The following RIMBP2 variants were observed in gnomAD, a reference collection of about 807,000 sequenced individuals.
RIMBP2 encodes the protein RIMS binding protein 2.
A neutral mutation model predicts 118.6 loss-of-function variants in RIMBP2; 48 were observed. That is an observed-to-expected ratio of 0.40 (90% CI 0.32 to 0.51). RIMBP2 has a LOEUF of 0.51. RIMBP2 is among the 20% of genes least tolerant of loss of function. RIMBP2 has a pLI of 0.41. For missense variants in RIMBP2, 1,551 were observed against 1,768.3 expected (o/e 0.88, Z 2.20); for synonymous variants, 762 against 742.9 (o/e 1.03, Z -0.42).
At chr12:130,631,125 G>C (rs1445110464) in intron 1 of RIMBP2, among the ~76,000 whole-genome samples, 1 of 152,150 alleles carries the variant, frequency 6.6e-6, no homozygotes, top group South Asian at 2.1e-4. Flanking sequence ...AGAGAAAAGA[G>C]AGACTCAAGA....
In RIMBP2 at chr12:130,555,290, A is replaced by C. The variant is rs553565393; in HGVS notation, c.-216-37373T>G. 3.7e-4 allele frequency among the ~76,000 whole-genome samples: 57 copies of C among 152,280 alleles called. 1 individual carries two copies. Among genetic ancestry groups the C allele is most frequent in the African/African-American group, 1.3e-3 (52 of 41,560 alleles). ...AAGCCCTCGCAGGAAAAAATGGTAA[A>C]TTTAAAAAATAATAATAATAAAAAG... On this transcript the variant is annotated intron_variant, in intron 2 of 22. Coordinates refer to ENST00000690449, the MANE Select transcript of RIMBP2 (RefSeq NM_001393629.1).
rs1210496204 is a variant in RIMBP2 at position 130,419,336 on chromosome 12, C to T, written c.3238+3117G>A. Among the ~76,000 whole-genome samples, 1 of 152,138 alleles carries T rather than the reference C, an allele frequency of 6.6e-6. No individual in the cohort carries two copies. Among genetic ancestry groups the T allele is most frequent in the African/African-American group, 2.4e-5 (1 of 41,418 alleles). On this transcript the variant is annotated intron_variant, in intron 17 of 22. Coordinates refer to ENST00000690449, the MANE Select transcript of RIMBP2 (RefSeq NM_001393629.1). This position sits in a 1 kb window ranked among gnomAD's most constrained non-coding sequence, Gnocchi z 4.3. ...TTGTTAGGAGGAAGGGTGTGCATAT[C>T]GTGTGGGAGATCAGGGCTCATGCCT...
intron 16 of RIMBP2, among the ~76,000 whole-genome samples, chr12:130,423,766 C>G (rs528159775): frequency 2.7e-5 from 4 of 148,562 alleles, no homozygotes; most frequent in African/African-American, 9.9e-5. Context: ...AAAAAACCCT[C>G]GACAATACTA....
At chr12:130,661,532 A>C (rs1447532282) in intron 1 of RIMBP2, among the ~76,000 whole-genome samples, 1 of 152,138 alleles carries the variant, frequency 6.6e-6, no homozygotes, top group Non-Finnish European at 1.5e-5. Context: ...GCACAAACTA[A>C]AAAGAGGTGC....
chr12:130,437,285 C>T lies in RIMBP2; in HGVS notation c.1663G>A (p.Glu555Lys). The T allele has an allele frequency of 6.3e-7, 1 of 1,576,206 alleles. No homozygotes were observed. The highest frequency in any genetic ancestry group is 8.6e-7 in the Non-Finnish European group (1 of 1,168,844). Residue 555 changes from glutamate (E) to lysine (K), a missense_variant, in exon 13 of 23, where the codon GAA (glutamate) becomes AAA (lysine). Physicochemically the swap from Glu to Lys is moderately conservative, Grantham distance 56. This residue lies in a region of RIMBP2 where 1,038 missense variants were observed against 1,125.1 expected (regional missense o/e 0.92). Coordinates refer to ENST00000690449, the MANE Select transcript of RIMBP2 (RefSeq NM_001393629.1). ...GVYAKGQRVA[E>K]VIFPTADSTA... is the part of the protein sequence containing the mutation. ...CTGTCTGCCGTGGGGAAGATGACTT[C>T]AGCCACCTGTGGACAAGCAGAGCTG...
intron 21 of RIMBP2, among the ~76,000 whole-genome samples, chr12:130,404,994 G>A (rs2075025311): frequency 1.3e-5 from 2 of 151,982 alleles, no homozygotes; most frequent in Non-Finnish European, 2.9e-5. Context: ...TAGTAAATGT[G>A]TTGAGACATT....
At chr12:130,605,917 A>C (rs1009380753) in intron 2 of RIMBP2, among the ~76,000 whole-genome samples, 4 of 152,156 alleles carry the variant, frequency 2.6e-5, no homozygotes, top group African/African-American at 4.8e-5. Context: ...TTCAGAAAAA[A>C]ATTAGCCAGG....
chr12:130,401,186 G>T (rs960202085), intron 21 of RIMBP2, among the ~76,000 whole-genome samples: 3 of 152,116 alleles, frequency 2.0e-5, no homozygotes, highest in African/African-American at 7.2e-5. Flanking sequence ...CGTGATCTCG[G>T]CTCACTGCCA....
chr12:130,583,802 C>T lies in RIMBP2; in HGVS notation c.-217+44520G>A, dbSNP rs944743777. ...ACCGCCATCACCTCATCACCACCAC[C>T]GCCATCACCTCATCACCACCACCCC... On this transcript the variant is annotated intron_variant, in intron 2 of 22. Transcript: ENST00000690449. Among the ~76,000 whole-genome samples the T allele has an allele frequency of 1.6e-4, 14 of 87,346 alleles. 1 individual carries two copies. Among genetic ancestry groups the T allele is most frequent in the Non-Finnish European group, 3.6e-4 (12 of 33,732 alleles). The allele number at this position is 87,346 out of a possible 152,430, so 57.3% of individuals were successfully genotyped here. A position where few individuals can be genotyped will look rare whatever the true frequency, so the allele number is the denominator to read the frequency against.
Position 130,436,849 on chromosome 12 carries a change from C to T in RIMBP2, c.2099G>A (p.Ser700Asn). The T allele has an allele frequency of 6.9e-7, 1 of 1,458,536 alleles. No individual in the cohort carries two copies. The allele number at this position is 1,458,536 out of a possible 1,614,324, so 90.3% of individuals were successfully genotyped here. A position where few individuals can be genotyped will look rare whatever the true frequency, so the allele number is the denominator to read the frequency against. ...CGGGAGCCCCAGCCTTACCCTGCTG[C>T]TCTCGGCCACCCTCTGCGCGGCCTC... ...AREAAQRVAE[S>N]SRLEKRSVFL... The change falls in exon 13 of 23, where the codon AGC (serine) becomes AAC (asparagine). Residue 700 changes from serine (S) to asparagine (N), a missense_variant. Transcript: ENST00000690449.
intron 1 of RIMBP2, among the ~76,000 whole-genome samples, chr12:130,642,655 G>A (rs925658620): frequency 2.0e-5 from 3 of 152,140 alleles, no homozygotes; most frequent in Admixed American, 6.5e-5. Context: ...AACCCACATC[G>A]ACTAACATGC....
At chr12:130,704,433 G>A (rs1475662825) in intron 1 of RIMBP2, among the ~76,000 whole-genome samples, 1 of 152,110 alleles carries the variant, frequency 6.6e-6, no homozygotes, top group Admixed American at 6.5e-5. Flanking sequence ...AAATTAGCCA[G>A]GCATGGTGGC....
intron 1 of RIMBP2, among the ~76,000 whole-genome samples, chr12:130,712,055 G>C (rs1949956341): frequency 6.6e-6 from 1 of 152,236 alleles, no homozygotes; most frequent in Non-Finnish European, 1.5e-5. Context: ...TGGTGCACCT[G>C]TATAGGGCGC....
At chr12:130,575,485 G>C (rs1446300407) in intron 2 of RIMBP2, among the ~76,000 whole-genome samples, 1 of 152,138 alleles carries the variant, frequency 6.6e-6, no homozygotes, top group Non-Finnish European at 1.5e-5. Context: ...GTCCCCATCA[G>C]TGAACACATC....
chr12:130,437,143 A>G lies in RIMBP2; in HGVS notation c.1805T>C (p.Leu602Pro). The G allele has an allele frequency of 6.3e-7, 1 of 1,585,950 alleles. No individual in the cohort carries two copies. Among genetic ancestry groups the G allele is most frequent in the Non-Finnish European group, 8.6e-7 (1 of 1,165,142 alleles). Reference protein sequence around the residue: ...DSAVAAVPPELLVPPTPHPRP... With the variant: ...DSAVAAVPPEPLVPPTPHPRP... ...CGGGTGGGGGGTAGGAGGCACCAGG[A>G]GCTCGGGGGGAACGGCAGCAACTGC... The change falls in exon 13 of 23, where the codon CTC becomes CCC. Residue 602 changes from leucine to proline, a missense_variant. Leu to Pro is a moderately conservative substitution (Grantham distance 98). This residue lies in a region of RIMBP2 where 1,038 missense variants were observed against 1,125.1 expected (regional missense o/e 0.92). Coordinates refer to ENST00000690449, the MANE Select transcript of RIMBP2 (RefSeq NM_001393629.1).
In RIMBP2 at chr12:130,620,459, C is replaced by T. The variant is rs1255731614; in HGVS notation, c.-217+7863G>A. On this transcript the variant is annotated intron_variant, in intron 2 of 22. Coordinates refer to ENST00000690449, the MANE Select transcript of RIMBP2 (RefSeq NM_001393629.1). The surrounding 1 kb of genome is among the most constrained non-coding windows in gnomAD (Gnocchi z 5.3). ...CTGCTGCGTGCAACCAGAGACCTCA[C>T]GTTAGTTTCCTCCAGCCGCCGTGAC... 1.3e-5 allele frequency among the ~76,000 whole-genome samples: 2 copies of T among 152,178 alleles called. No individual in the cohort carries two copies. Among genetic ancestry groups the T allele is most frequent in the South Asian group, 2.1e-4 (1 of 4,824 alleles).
chr12:130,655,392 T>A (rs1334215132), intron 1 of RIMBP2, among the ~76,000 whole-genome samples: 1 of 152,008 alleles, frequency 6.6e-6, no homozygotes, highest in African/African-American at 2.4e-5. Context: ...ACTATTCAAA[T>A]ATCTGTGGGA....
intron 2 of RIMBP2, among the ~76,000 whole-genome samples, chr12:130,594,114 T>C (rs921461690): frequency 6.6e-6 from 1 of 152,242 alleles, no homozygotes; most frequent in African/African-American, 2.4e-5. Context: ...CACTGAAGAA[T>C]TTGCTGGCCT....
At chr12:130,699,784 T>C (rs1043709010) in intron 1 of RIMBP2, among the ~76,000 whole-genome samples, 4 of 151,410 alleles carry the variant, frequency 2.6e-5, no homozygotes, top group Non-Finnish European at 5.9e-5. Context: ...CAGGTGCCTG[T>C]AATCCCAGCT....
Sources: gnomAD v4.1 joint callset for allele counts (sites outside exome capture counted in the v4.1 genomes callset) on GRCh38, gnomAD v4.1.1 for gene constraint, gnomAD v4.1.1 regional missense constraint, Gnocchi (gnomAD v3.1) non-coding constraint, MANE v1.5 for transcripts, NCBI Gene and HGNC (gene_info 2026-07-23, HGNC 2026-07-21) for gene names.